The following ZNF160 variants were observed in gnomAD, a reference collection of about 807,000 sequenced individuals.
The protein encoded by ZNF160 is KRAB zinc finger protein KR18.
A neutral mutation model predicts 13.1 loss-of-function variants in ZNF160; 9 were observed. The ratio of observed to expected loss-of-function variants is 0.69; its 90% CI spans 0.41 to 1.20. The LOEUF (loss-of-function observed/expected upper bound fraction) is 1.20, where lower values mean the gene tolerates loss of function less well. Among genes scored for constraint, ZNF160 ranks in the 50% most tolerant of loss-of-function variants. The pLI is 0.01. For synonymous variants in ZNF160, 293 were observed against 333.2 expected (o/e 0.88, Z 1.31); for missense variants, 838 against 988.0 (o/e 0.85, Z 2.04).
chr19:53,072,671 G>C (rs1277173377), intron 5 of ZNF160, among the ~76,000 whole-genome samples: 4 of 151,980 alleles, frequency 2.6e-5, no homozygotes, highest in Admixed American at 2.6e-4. Context: ...GACCAACATG[G>C]AGAAACCCGA....
At position 53,069,851 on chromosome 19, in the gene ZNF160, T is replaced by C. The variant is rs755904840; in HGVS notation, c.683A>G (p.Gln228Arg). The change falls in exon 6 of 6, where the codon CAA (glutamine) becomes CGA (arginine). Residue 228 changes from glutamine (Q) to arginine (R), a missense_variant. Around this residue, in one of 3 missense-constraint regions of ZNF160, gnomAD observed 387 missense variants for 402.3 expected, o/e 0.96. Transcript: ENST00000683776. The surrounding 1 kb of genome is among the most constrained non-coding windows in gnomAD (Gnocchi z 4.4). ...SPLQQIPSSV[Q>R]THRSKKYHEL... ...ATGATATTTTTTAGACCTGTGGGTTTGGACACTAGAAGGAATTTGTTGAAG... is the reference window on the plus strand; with the variant it reads ...ATGATATTTTTTAGACCTGTGGGTTCGGACACTAGAAGGAATTTGTTGAAG... 1.2e-6 allele frequency: 2 copies of C among 1,614,164 alleles called. No homozygotes were observed. Among genetic ancestry groups the C allele is most frequent in the South Asian group, 2.2e-5 (2 of 91,074 alleles).
At chr19:53,071,539 C>CAAA (rs56799856) in intron 5 of ZNF160, among the ~76,000 whole-genome samples, 85 of 58,732 alleles carry the variant, frequency 1.4e-3, no homozygotes, top group African/African-American at 4.8e-3. Context: ...TCCGTCTCAT[C>CAAA]AAAAAAAAAA....
At chr19:53,072,616 C>T (rs900638440) in intron 5 of ZNF160, among the ~76,000 whole-genome samples, 5 of 152,060 alleles carry the variant, frequency 3.3e-5, no homozygotes, top group African/African-American at 1.2e-4. Flanking sequence ...CTTTGGGAGG[C>T]TGCAGCAGGT....
intron 1 of ZNF160, among the ~76,000 whole-genome samples, chr19:53,094,967 T>A (rs1483369831): frequency 6.7e-6 from 1 of 149,110 alleles, no homozygotes; most frequent in African/African-American, 2.5e-5. Flanking sequence ...GCTTCCACCC[T>A]CCCATCCCGC....
At chr19:53,097,930 T>C (rs1199117595) in intron 1 of ZNF160, among the ~76,000 whole-genome samples, 1 of 152,194 alleles carries the variant, frequency 6.6e-6, no homozygotes, top group African/African-American at 2.4e-5. Context: ...CTCCTGCTGC[T>C]GAAGCTCCCT....
At chr19:53,080,285 G>C (rs1345003614) in intron 3 of ZNF160, among the ~76,000 whole-genome samples, 1 of 152,052 alleles carries the variant, frequency 6.6e-6, no homozygotes, top group Non-Finnish European at 1.5e-5. Context: ...TTTTAATAGA[G>C]ACTGGGTTTC....
chr19:53,071,416 G>A (rs1376647412), intron 5 of ZNF160, among the ~76,000 whole-genome samples: 2 of 151,366 alleles, frequency 1.3e-5, no homozygotes, highest in African/African-American at 4.9e-5. Flanking sequence ...GCTGGGTGTG[G>A]TAATGGGCAC....
chr19:53,095,799 G>A (rs754238234), intron 1 of ZNF160: 1 of 143,846 alleles, frequency 7.0e-6, no homozygotes, highest in Non-Finnish European at 1.5e-5. Flanking sequence ...CACGTTACAT[G>A]AGATCAGCGT....
At chr19:53,078,127 C>T (rs748210476) in intron 3 of ZNF160, among the ~76,000 whole-genome samples, 34 of 152,212 alleles carry the variant, frequency 2.2e-4, no homozygotes, top group South Asian at 2.1e-3. Context: ...GTAATCCCAA[C>T]TACTCGGGAG....
rs187396369 is a variant in ZNF160, at chr19:53,100,467, G to A, written c.-354+2798C>T. On this transcript the variant is annotated intron_variant, in intron 1 of 5. Coordinates refer to ENST00000683776, the MANE Select transcript of ZNF160 (RefSeq NM_001322131.2). ...CTACTAAAAATACAAAAAATTTGCC[G>A]GGCGTGGTGGCGGCTGCCTGTAGTC... Among the ~76,000 whole-genome samples, 1,405 of 152,124 alleles carry A rather than the reference G, an allele frequency of 9.2e-3. 14 individuals are homozygous for A. The highest frequency in any genetic ancestry group is 0.021 in the Middle Eastern group (6 of 292).
intron 3 of ZNF160, among the ~76,000 whole-genome samples, chr19:53,083,073 T>C (rs1381900274): frequency 6.6e-6 from 1 of 152,204 alleles, no homozygotes; most frequent in African/African-American, 2.4e-5. Flanking sequence ...GGAACTTCCA[T>C]GCCCTCCCTG....
intron 3 of ZNF160, among the ~76,000 whole-genome samples, chr19:53,081,115 T>C (rs1408861645): frequency 6.6e-6 from 1 of 152,088 alleles, no homozygotes. Context: ...ACTATAAAAA[T>C]CTTAAAAGCA....
Position 53,086,255 on chromosome 19 carries a change from A to C in ZNF160, c.15+7T>G. ...AAAAGAACAATCCACCAGGAGTATC[A>C]CTTTACCTGAGTAAGGGCCATCCCT... On this transcript the variant is annotated splice_region_variant and intron_variant, in intron 3 of 5. Transcript: ENST00000683776. 8 of 1,587,490 alleles carry C rather than the reference A, an allele frequency of 5.0e-6. No individual in the cohort carries two copies. The highest frequency in any genetic ancestry group is 6.9e-6 in the Non-Finnish European group (8 of 1,167,174).
intron 1 of ZNF160, chr19:53,095,580 C>T (rs2085203083): frequency 6.6e-6 from 1 of 152,146 alleles, no homozygotes; most frequent in African/African-American, 2.4e-5. Flanking sequence ...TTTTAATACT[C>T]CCAGTTGGTG....
intron 3 of ZNF160, among the ~76,000 whole-genome samples, chr19:53,078,608 AAAAAGAAAAG>A (rs757496532): frequency 7.9e-5 from 12 of 152,112 alleles, no homozygotes; most frequent in African/African-American, 2.2e-4. Context: ...CTGCATGTCA[AAAAAGAAAAG>A]AAAAGAAAAG....
chr19:53,070,207 T>C lies in ZNF160; in HGVS notation c.327A>G (p.Thr109=). Residue 109 remains threonine (T), a synonymous_variant, in exon 6 of 6, where the codon ACA becomes ACG. Coordinates refer to ENST00000683776, the MANE Select transcript of ZNF160 (RefSeq NM_001322131.2). ...ACACCACTGTGTGGAATACTGCTTC[T>C]GTACTGCTCTTCTCTTTTGGTAGCA... ...KDLLPKEKSS[T]EAVFHTVVLE... The C allele has an allele frequency of 6.2e-7, 1 of 1,611,956 alleles. No individual in the cohort carries two copies. The highest frequency in any genetic ancestry group is 1.3e-5 in the African/African-American group (1 of 74,930).
intron 2 of ZNF160, among the ~76,000 whole-genome samples, chr19:53,090,229 A>G (rs2084984558): frequency 6.9e-6 from 1 of 145,118 alleles, no homozygotes; most frequent in African/African-American, 2.6e-5. Flanking sequence ...CCTCTCCCCC[A>G]CTCTCTGTCT....
chr19:53,098,843 C>T (rs111994470), intron 1 of ZNF160, among the ~76,000 whole-genome samples: 3 of 147,032 alleles, frequency 2.0e-5, no homozygotes, highest in South Asian at 2.1e-4. Flanking sequence ...GGGGACGCCT[C>T]GGCACTGGCT....
intron 2 of ZNF160, among the ~76,000 whole-genome samples, chr19:53,087,157 T>C (rs1313838294): frequency 6.6e-6 from 1 of 152,110 alleles, no homozygotes; most frequent in Non-Finnish European, 1.5e-5. Context: ...CCAGCCCACA[T>C]GGAAGCCTTG....
Sources: gnomAD v4.1 joint callset for allele counts (sites outside exome capture counted in the v4.1 genomes callset) on GRCh38, gnomAD v4.1.1 for gene constraint, gnomAD v4.1.1 regional missense constraint, Gnocchi (gnomAD v3.1) non-coding constraint, MANE v1.5 for transcripts, NCBI Gene and HGNC (gene_info 2026-07-23, HGNC 2026-07-21) for gene names.